PTPRG: variants seen among roughly 807,000 people sequenced by gnomAD.
PTPRG encodes the protein receptor-type tyrosine-protein phosphatase gamma.
A neutral mutation model predicts 165.3 loss-of-function variants in PTPRG; 102 were observed. The ratio of observed to expected loss-of-function variants is 0.62; its 90% CI spans 0.53 to 0.73. The LOEUF is 0.73. PTPRG is among the 30% of genes least tolerant of loss of function. PTPRG has a pLI of 0.00. For synonymous variants in PTPRG, 675 were observed against 669.5 expected, an observed-to-expected ratio of 1.01 and a Z score of -0.13; for missense variants, 1,866 against 1,861.4, an observed-to-expected ratio of 1.00 and a Z score of -0.05.
chr3:61,989,426 G>C (rs993032312), intron 2 of PTPRG, among the ~76,000 whole-genome samples, 199 bp from the exon 3 acceptor site: 10 of 152,200 alleles, frequency 6.6e-5, no homozygotes, highest in Non-Finnish European at 1.0e-4. Flanking sequence ...AAATCAAGAA[G>C]CAAAACTAAC....
rs1316254935 is a variant in PTPRG, at chr3:62,233,704, C to T, written c.2375+2393C>T. 6.6e-6 allele frequency among the ~76,000 whole-genome samples: 1 copy of T among 152,178 alleles called. No individual in the cohort carries two copies. Among genetic ancestry groups the T allele is most frequent in the Non-Finnish European group, 1.5e-5 (1 of 68,034 alleles). ...CATTACTCTTCTGCCCCTGTCATCT[C>T]CCTGTCCCACAGCAGGAAGGAAGGA... On this transcript the variant is annotated intron_variant, in intron 14 of 29. Coordinates refer to ENST00000474889, the MANE Select transcript of PTPRG (RefSeq NM_002841.4). This position sits in a 1 kb window ranked among gnomAD's most constrained non-coding sequence, Gnocchi z 4.7.
intron 3 of PTPRG, among the ~76,000 whole-genome samples, chr3:61,997,852 G>A (rs573977248): frequency 1.3e-5 from 2 of 152,324 alleles, no homozygotes; most frequent in East Asian, 1.9e-4. Context: ...AGACAACAGC[G>A]TTTCCCTTTT....
At chr3:61,878,199 A>G (rs141317646) in intron 2 of PTPRG, among the ~76,000 whole-genome samples, 10 of 152,300 alleles carry the variant, frequency 6.6e-5, no homozygotes, top group African/African-American at 2.4e-4. Context: ...GCTATGTCAC[A>G]TGGAAAGAAA....
chr3:61,831,714 G>A (rs561462245), intron 2 of PTPRG, among the ~76,000 whole-genome samples: 24 of 152,238 alleles, frequency 1.6e-4, no homozygotes, highest in Admixed American at 3.9e-4. Flanking sequence ...TAGAGAAAAA[G>A]GTATACCAAA....
intron 1 of PTPRG, among the ~76,000 whole-genome samples, chr3:61,649,017 T>C (rs928219105): frequency 6.6e-6 from 1 of 152,352 alleles, no homozygotes. Context: ...TGTGAGTTTA[T>C]TACCAAGGTT....
chr3:61,590,480 T>C (rs1254683647), intron 1 of PTPRG, among the ~76,000 whole-genome samples: 1 of 151,990 alleles, frequency 6.6e-6, no homozygotes, highest in African/African-American at 2.4e-5. Context: ...GCCAAGATCG[T>C]GCCACTGCAC....
chr3:61,963,278 C>A lies in PTPRG; in HGVS notation c.191-26347C>A, dbSNP rs555807853. ...CTGTCAATAACTTTCATCATATTTT[C>A]AAAGTCATCTATGACCCCCAAAAAG... On this transcript the variant is annotated intron_variant, in intron 2 of 29. Transcript: ENST00000474889. Among the ~76,000 whole-genome samples the A allele has an allele frequency of 3.9e-5, 6 of 152,152 alleles. No individual in the cohort carries two copies. In the East Asian group the frequency reaches 9.7e-4, roughly 24 times the overall value.
At chr3:61,921,987 A>G (rs1188638498) in intron 2 of PTPRG, among the ~76,000 whole-genome samples, 2 of 152,200 alleles carry the variant, frequency 1.3e-5, no homozygotes, top group Admixed American at 1.3e-4. Flanking sequence ...TCTTTAATGT[A>G]TCAAGCATGA....
At chr3:61,660,944 G>A (rs186290085) in intron 1 of PTPRG, among the ~76,000 whole-genome samples, 101 of 152,324 alleles carry the variant, frequency 6.6e-4, no homozygotes, top group Middle Eastern at 3.4e-3. Flanking sequence ...GGAGGTTGCA[G>A]TGAGCCCGGA....
Position 61,902,345 on chromosome 3 carries a change from G to A in PTPRG, c.191-87280G>A, listed in dbSNP as rs563336228. 3.3e-5 allele frequency among the ~76,000 whole-genome samples: 5 copies of A among 152,304 alleles called. No individual in the cohort carries two copies. The South Asian group carries it at 1.0e-3, about 32-fold the overall frequency. ...TCTTAATACCTCAGGGCTGATTATA[G>A]CATTGGAGGGAGAAGCAGGTGCTTG... is the stretch of plus-strand genomic sequence containing the variant. On this transcript the variant is annotated intron_variant, in intron 2 of 29. Transcript: ENST00000474889.
At chr3:61,905,918 G>A (rs528971252) in intron 2 of PTPRG, among the ~76,000 whole-genome samples, 6 of 152,216 alleles carry the variant, frequency 3.9e-5, no homozygotes, top group African/African-American at 1.2e-4. Context: ...TATGTCTCCA[G>A]GATTAAGATT....
chr3:61,796,341 T>A (rs2035043155), intron 2 of PTPRG, among the ~76,000 whole-genome samples: 1 of 152,286 alleles, frequency 6.6e-6, no homozygotes, highest in African/African-American at 2.4e-5. Context: ...GCAGCAAAGA[T>A]TATTGATATG....
intron 19 of PTPRG, 51 bp from the exon 20 acceptor site, chr3:62,268,984 G>C (rs748926439): frequency 1.3e-6 from 2 of 1,486,192 alleles, no homozygotes; most frequent in Admixed American, 2.1e-5. Context: ...ATTATCAACA[G>C]AATTGTGGCA....
intron 2 of PTPRG, among the ~76,000 whole-genome samples, chr3:61,975,294 T>A (rs1471662197): frequency 6.6e-6 from 1 of 152,202 alleles, no homozygotes; most frequent in African/African-American, 2.4e-5. Context: ...TATGGAAGTT[T>A]ATGGCCTACA....
At position 61,793,723 on chromosome 3, in the gene PTPRG, A is replaced by AG. The variant is rs1390966776; in HGVS notation, c.190+44742dup. Among the ~76,000 whole-genome samples, 7 of 152,334 alleles carry AG rather than the reference A, an allele frequency of 4.6e-5. No individual in the cohort carries two copies. In the South Asian group the frequency reaches 1.2e-3, roughly 27 times the overall value. On this transcript the variant is annotated intron_variant, in intron 2 of 29. Transcript: ENST00000474889. ...AATTGGCAGAAGTCCAGTCCAGTAC[A>AG]GCTTTCTGGATGCTGTCTACTTGTT...
chr3:62,106,643 C>T (rs891225893), intron 5 of PTPRG, among the ~76,000 whole-genome samples: 9 of 151,998 alleles, frequency 5.9e-5, no homozygotes, highest in South Asian at 2.1e-4. Context: ...GCTGGGACTA[C>T]GGGCATGTGC....
At chr3:62,267,626 A>T in intron 18 of PTPRG, 59 bp from the exon 19 acceptor site, 1 of 1,580,926 alleles carries the variant, frequency 6.3e-7, no homozygotes, top group Non-Finnish European at 8.6e-7. Flanking sequence ...CATTTGAATT[A>T]TTGACTGGTC....
chr3:61,978,331 G>C (rs998430906), intron 2 of PTPRG, among the ~76,000 whole-genome samples: 12 of 151,904 alleles, frequency 7.9e-5, no homozygotes, highest in African/African-American at 2.9e-4. Flanking sequence ...GTCTTTTTTG[G>C]CTTCTAGTTA....
intron 2 of PTPRG, among the ~76,000 whole-genome samples, chr3:61,964,164 T>C (rs1030134558): frequency 2.0e-5 from 3 of 152,222 alleles, no homozygotes; most frequent in Non-Finnish European, 4.4e-5. Context: ...TGTGTTATCT[T>C]TTCAGAAACA....
Sources: gnomAD v4.1 joint callset for allele counts (sites outside exome capture counted in the v4.1 genomes callset) on GRCh38, gnomAD v4.1.1 for gene constraint, Gnocchi (gnomAD v3.1) non-coding constraint, MANE v1.5 for transcripts, NCBI Gene and HGNC (gene_info 2026-07-23, HGNC 2026-07-21) for gene names.